The following PACRG variants were observed in gnomAD, a reference collection of about 807,000 sequenced individuals.
PACRG encodes the protein parkin coregulated gene protein.
In PACRG, 29 loss-of-function variants were observed where a neutral mutation model predicts 29.7. The ratio of observed to expected loss-of-function variants is 0.98; its 90% confidence interval spans 0.73 to 1.33. The LOEUF (loss-of-function observed/expected upper bound fraction) is 1.33, where lower values mean the gene tolerates loss of function less well. Among genes scored for constraint, PACRG ranks in the 40% most tolerant of loss-of-function variants. The pLI is 0.00. For synonymous variants in PACRG, 116 were observed against 118.7 expected (o/e 0.98, Z 0.15); for missense variants, 279 against 316.2 (o/e 0.88, Z 0.89).
intron 1 of PACRG, among the ~76,000 whole-genome samples, chr6:162,793,892 T>C (rs907095611): frequency 6.6e-6 from 1 of 152,332 alleles, no homozygotes; most frequent in Admixed American, 6.5e-5. Context: ...TAATGGATAC[T>C]GGGCTTAATA....
chr6:162,930,643 A>G (rs916291254), intron 2 of PACRG, among the ~76,000 whole-genome samples: 2 of 151,964 alleles, frequency 1.3e-5, no homozygotes, highest in African/African-American at 4.8e-5. Flanking sequence ...TAAAAGTAGT[A>G]AAAGTGGGCA....
intron 4 of PACRG, among the ~76,000 whole-genome samples, chr6:163,228,403 A>AG (rs1431967015): frequency 5.3e-4 from 80 of 150,314 alleles, no homozygotes; most frequent in Non-Finnish European, 7.8e-4. Context: ...AAAAAAAAAA[A>AG]AAATGGAATA....
At chr6:163,085,199 G>T (rs1813448105) in intron 3 of PACRG, among the ~76,000 whole-genome samples, 1 of 152,100 alleles carries the variant, frequency 6.6e-6, no homozygotes, top group South Asian at 2.1e-4. Flanking sequence ...TATGTGCTCA[G>T]TCATACATTT....
At chr6:163,235,598 T>C (rs1782204961) in intron 4 of PACRG, among the ~76,000 whole-genome samples, 1 of 152,192 alleles carries the variant, frequency 6.6e-6, no homozygotes, top group Non-Finnish European at 1.5e-5. Context: ...GTCTATAGAC[T>C]AGCAAGGAAA....
intron 2 of PACRG, among the ~76,000 whole-genome samples, chr6:162,990,029 A>T (rs1279497058): frequency 2.7e-5 from 4 of 149,560 alleles, no homozygotes; most frequent in Non-Finnish European, 4.5e-5. Flanking sequence ...GAGAATGATG[A>T]TTTCCAATTT....
intron 1 of PACRG, among the ~76,000 whole-genome samples, chr6:162,778,274 G>A (rs1193611983): frequency 6.6e-6 from 1 of 152,168 alleles, no homozygotes; most frequent in East Asian, 1.9e-4. Context: ...AGTATTATGT[G>A]ATGGGAAGGG....
At chr6:162,934,849 A>G (rs1341738514) in intron 2 of PACRG, among the ~76,000 whole-genome samples, 1 of 152,136 alleles carries the variant, frequency 6.6e-6, no homozygotes, top group Non-Finnish European at 1.5e-5. Context: ...TCCCTTAAAC[A>G]TTTCTTGTAG....
At chr6:163,231,290 C>G (rs1364534448) in intron 4 of PACRG, among the ~76,000 whole-genome samples, 3 of 152,228 alleles carry the variant, frequency 2.0e-5, no homozygotes, top group Non-Finnish European at 2.9e-5. Flanking sequence ...GTGACCCACT[C>G]ACTGCCATGC....
At chr6:163,232,206 T>C (rs1186702445) in intron 4 of PACRG, among the ~76,000 whole-genome samples, 1 of 152,048 alleles carries the variant, frequency 6.6e-6, no homozygotes, top group African/African-American at 2.4e-5. Flanking sequence ...ATATTTATGA[T>C]GAAGAGAACC....
intron 1 of PACRG, among the ~76,000 whole-genome samples, chr6:162,798,430 C>T (rs778427216): frequency 9.2e-5 from 14 of 152,160 alleles, no homozygotes; most frequent in Non-Finnish European, 1.0e-4. Flanking sequence ...CTCCATCACT[C>T]ACCATATTTC....
At chr6:162,922,673 C>A (rs1048739784) in intron 2 of PACRG, among the ~76,000 whole-genome samples, 4 of 151,940 alleles carry the variant, frequency 2.6e-5, no homozygotes, top group Admixed American at 2.0e-4. Flanking sequence ...TGATATTTAT[C>A]TTTCTGTGCA....
At chr6:163,227,909 G>A (rs996104698) in intron 4 of PACRG, among the ~76,000 whole-genome samples, 3 of 152,022 alleles carry the variant, frequency 2.0e-5, no homozygotes, top group Non-Finnish European at 2.9e-5. Flanking sequence ...TGTCCAAGTC[G>A]AAAAAACTAA....
chr6:163,095,625 T>A (rs1173992979), intron 4 of PACRG: 1 of 179,072 alleles, frequency 5.6e-6, no homozygotes, highest in Non-Finnish European at 1.1e-5. Flanking sequence ...CAGCCGTCCT[T>A]GAGCTCCTTG....
At chr6:163,084,870 T>TAATATATATATTATATATATATAATATA (rs1554355551) in intron 3 of PACRG, among the ~76,000 whole-genome samples, 1 of 81,934 alleles carries the variant, frequency 1.2e-5, no homozygotes, top group African/African-American at 5.2e-5. Context: ...AATATATATA[T>TAATATATATATTATATATATATAATATA]TATATTATAT....
At chr6:163,254,545 C>T (rs761468677) in intron 4 of PACRG, among the ~76,000 whole-genome samples, 16 of 152,324 alleles carry the variant, frequency 1.1e-4, no homozygotes, top group African/African-American at 2.9e-4. Flanking sequence ...CTTCAGCTCG[C>T]GAGTGGGCTC....
At position 163,233,369 on chromosome 6, in the gene PACRG, G is replaced by T. The variant is rs375337520; in HGVS notation, c.614-81458G>T. On this transcript the variant is annotated intron_variant, in intron 4 of 4. Transcript: ENST00000366888. ...AGTAGAATGCAGGAGGCCGGAGGCT[G>T]CAGGGGCATTTTACAGTTGACCTAG... is the stretch of plus-strand genomic sequence containing the variant. Among the ~76,000 whole-genome samples the T allele has an allele frequency of 5.3e-5, 8 of 152,356 alleles. No individual in the cohort carries two copies. The South Asian group carries it at 1.2e-3, about 24-fold the overall frequency.
At chr6:162,739,205 T>C (rs577838604) in intron 1 of PACRG, among the ~76,000 whole-genome samples, 3 of 152,344 alleles carry the variant, frequency 2.0e-5, no homozygotes, top group East Asian at 1.9e-4. Flanking sequence ...ATCTGAAGTA[T>C]ATGAAATAAT....
chr6:162,903,240 A>G (rs1303917590), intron 2 of PACRG, among the ~76,000 whole-genome samples: 1 of 152,162 alleles, frequency 6.6e-6, no homozygotes, highest in Non-Finnish European at 1.5e-5. Context: ...GAGAACTGTC[A>G]CTTTGTCTTC....
intron 2 of PACRG, among the ~76,000 whole-genome samples, chr6:162,821,465 T>C (rs1370696442): frequency 5.3e-5 from 8 of 152,190 alleles, no homozygotes; most frequent in African/African-American, 1.7e-4. Flanking sequence ...CTCAGTAGAC[T>C]GACAACTAGA....
Sources: allele counts gnomAD v4.1 joint callset (sites outside exome capture counted in the v4.1 genomes callset), GRCh38; gene constraint gnomAD v4.1.1; transcripts MANE v1.5; gene names NCBI Gene and HGNC (gene_info 2026-07-23, HGNC 2026-07-21).